CYFIP2: variants seen among roughly 807,000 people sequenced by gnomAD.
The protein encoded by CYFIP2 is cytoplasmic FMR1-interacting protein 2.
CYFIP2 carries 29 observed loss-of-function variants against 158.7 expected under a neutral mutation model. The observed-to-expected ratio is 0.18, with a 90% CI of 0.14 to 0.25. CYFIP2 has a LOEUF of 0.25. CYFIP2 is among the 10% of genes least tolerant of loss of function. The pLI, the probability that CYFIP2 is intolerant of heterozygous loss-of-function variation, is 1.00. For synonymous variants in CYFIP2, 585 were observed against 617.6 expected (o/e 0.95, Z 0.78); for missense variants, 852 against 1,639.5 (o/e 0.52, Z 8.29).
Position 157,304,252 on chromosome 5 carries a change from A to C in CYFIP2, c.681A>C (p.Gln227His). 1 of 1,613,010 alleles carries C rather than the reference A, an allele frequency of 6.2e-7. No individual in the cohort carries two copies. Among genetic ancestry groups the C allele is most frequent in the African/African-American group, 1.3e-5 (1 of 75,030 alleles). The change falls in exon 8 of 31, where the codon CAA becomes CAC. Residue 227 changes from glutamine to histidine, a missense_variant. Transcript: ENST00000620254. ...HNRITQCLHQQLEVIPGYEEL... is the reference protein window; with the variant it reads ...HNRITQCLHQHLEVIPGYEEL... ...CTGCTGTTCAGTGTCTCCACCAGCAACTTGAAGTGATCCCAGGCTATGAGG... is the reference window on the plus strand; with the variant it reads ...CTGCTGTTCAGTGTCTCCACCAGCACCTTGAAGTGATCCCAGGCTATGAGG...
At chr5:157,358,502 C>T (rs956459039) in intron 23 of CYFIP2, among the ~76,000 whole-genome samples, 2 of 152,232 alleles carry the variant, frequency 1.3e-5, no homozygotes, top group Admixed American at 1.3e-4. Context: ...CAGCAGAGAT[C>T]TCCTGACTCC....
rs143013338 is a variant in CYFIP2 at position 157,287,359 on chromosome 5, C to T, written c.207+251C>T. Among the ~76,000 whole-genome samples the T allele has an allele frequency of 3.3e-4, 51 of 152,332 alleles. No individual in the cohort carries two copies. The East Asian group carries it at 9.1e-3, about 27-fold the overall frequency. On this transcript the variant is annotated intron_variant, in intron 3 of 30. Transcript: ENST00000620254. ...TTAGGGCCCAACTTAGTCTCCACTA[C>T]TCACTTTCTTGAGCTCCTATAGCTT...
rs1350991224 is a variant in CYFIP2, at chr5:157,304,372, A to T, written c.795+6A>T. On this transcript the variant is annotated splice_donor_region_variant and intron_variant, in intron 8 of 30. Coordinates refer to ENST00000620254, the MANE Select transcript of CYFIP2 (RefSeq NM_001037333.3). Reference sequence around the variant, plus strand: ...AGAAACATATGCTCCTCAAGGTAAAACTCCCCTGAGGCCGCACCCATGGAG... The same window carrying T: ...AGAAACATATGCTCCTCAAGGTAAATCTCCCCTGAGGCCGCACCCATGGAG... The T allele has an allele frequency of 6.2e-7, 1 of 1,610,538 alleles. No homozygotes were observed. Among genetic ancestry groups the T allele is most frequent in the Admixed American group, 1.7e-5 (1 of 59,816 alleles).
At chr5:157,350,522 C>T (rs1157550175) in intron 23 of CYFIP2, among the ~76,000 whole-genome samples, 2 of 152,218 alleles carry the variant, frequency 1.3e-5, no homozygotes, top group Non-Finnish European at 2.9e-5. Flanking sequence ...TGTTTCGTGA[C>T]TATAGCCTGA....
chr5:157,335,502 T>C (rs1761785304), intron 21 of CYFIP2, among the ~76,000 whole-genome samples: 1 of 152,234 alleles, frequency 6.6e-6, no homozygotes, highest in Admixed American at 6.5e-5. Flanking sequence ...GGTCTCAAGC[T>C]CCTGACCTCG....
chr5:157,324,447 C>T (rs114516981), intron 16 of CYFIP2, among the ~76,000 whole-genome samples: 1 of 152,026 alleles, frequency 6.6e-6, no homozygotes, highest in Admixed American at 6.6e-5. Flanking sequence ...GGGAGGCTCT[C>T]GAGCTGCATC....
chr5:157,317,635 T>C (rs576266557), intron 13 of CYFIP2, among the ~76,000 whole-genome samples: 1 of 152,342 alleles, frequency 6.6e-6, no homozygotes, highest in Non-Finnish European at 1.5e-5. Context: ...CTTATTATTA[T>C]TATAACCAAG....
intron 1 of CYFIP2, among the ~76,000 whole-genome samples, chr5:157,279,984 C>G (rs980649730): frequency 6.6e-6 from 1 of 152,198 alleles, no homozygotes; most frequent in Non-Finnish European, 1.5e-5. Flanking sequence ...ATTTCCTTCT[C>G]CCTTAGGCAC....
At chr5:157,343,121 C>A (rs1427635038) in intron 23 of CYFIP2, 1 of 1,614,178 alleles carries the variant, frequency 6.2e-7, no homozygotes, top group East Asian at 2.2e-5. Flanking sequence ...CTCATGGCAA[C>A]GGACACACCA....
chr5:157,302,963 AC>A, intron 7 of CYFIP2, 73 bp downstream of exon 7: 1 of 1,182,610 alleles, frequency 8.5e-7, no homozygotes, highest in Non-Finnish European at 1.2e-6. Context: ...GGTTGGGTGG[AC>A]CACGAGCCCA....
At chr5:157,326,964 G>A (rs1761073148) in intron 18 of CYFIP2, among the ~76,000 whole-genome samples, 1 of 152,138 alleles carries the variant, frequency 6.6e-6, no homozygotes, top group African/African-American at 2.4e-5. Flanking sequence ...AAGGACCAAA[G>A]GTTAATCACA....
At chr5:157,320,860 T>C (rs977381244) in intron 15 of CYFIP2, 58 bp downstream of exon 15, 157 of 1,464,864 alleles carry the variant, frequency 1.1e-4, no homozygotes, top group Non-Finnish European at 1.3e-4. Flanking sequence ...CGGGCTATGG[T>C]AGATCATCAT....
In CYFIP2 at chr5:157,324,082, G is replaced by T. The variant is rs777538229; in HGVS notation, c.1825+8G>T. 1.2e-6 allele frequency: 2 copies of T among 1,606,174 alleles called. No homozygotes were observed. Among genetic ancestry groups the T allele is most frequent in the Non-Finnish European group, 8.5e-7 (1 of 1,175,486 alleles). The stretch of plus-strand genomic sequence containing the variant: ...ATCTGCTCAACATCAGTGGTGAGCT[G>T]CATCCCATCCCTGCTAAGGCATGGG... On this transcript the variant is annotated splice_region_variant and intron_variant, in intron 16 of 30. Coordinates refer to ENST00000620254, the MANE Select transcript of CYFIP2 (RefSeq NM_001037333.3).
At chr5:157,359,977 C>G (rs1019305991) in intron 24 of CYFIP2, among the ~76,000 whole-genome samples, 2 of 152,228 alleles carry the variant, frequency 1.3e-5, no homozygotes, top group African/African-American at 4.8e-5. Flanking sequence ...TAGCATGTTT[C>G]AATCTGCACA....
chr5:157,296,865 T>G, intron 5 of CYFIP2, 91 bp downstream of exon 5: 1 of 1,011,258 alleles, frequency 9.9e-7, no homozygotes, highest in Non-Finnish European at 1.5e-6. Context: ...GCCATGTTAT[T>G]TATTCACTAA....
intron 21 of CYFIP2, among the ~76,000 whole-genome samples, chr5:157,336,805 G>T (rs1761888774): frequency 6.6e-6 from 1 of 152,194 alleles, no homozygotes; most frequent in Non-Finnish European, 1.5e-5. Flanking sequence ...CCTTTTCCAT[G>T]CTTTGGTGCG....
intron 23 of CYFIP2, among the ~76,000 whole-genome samples, chr5:157,351,008 G>A (rs760649323): frequency 3.3e-5 from 5 of 152,088 alleles, no homozygotes; most frequent in Non-Finnish European, 7.4e-5. Flanking sequence ...GTGACAGTTT[G>A]ATTTCCACTT....
At chr5:157,341,636 G>A (rs1387813900) in intron 23 of CYFIP2, 1 of 156,686 alleles carries the variant, frequency 6.4e-6, no homozygotes, top group Non-Finnish European at 1.4e-5. Context: ...CAAGTAGCAG[G>A]AATGGGGGCA....
intron 26 of CYFIP2, among the ~76,000 whole-genome samples, chr5:157,380,404 C>T (rs1311597199): frequency 1.3e-5 from 2 of 152,148 alleles, no homozygotes; most frequent in African/African-American, 2.4e-5. Flanking sequence ...CAAGTTAGTC[C>T]GGCCTCTGCC....
Sources: gnomAD v4.1 joint callset for allele counts (sites outside exome capture counted in the v4.1 genomes callset) on GRCh38, gnomAD v4.1.1 for gene constraint, MANE v1.5 for transcripts, NCBI Gene and HGNC (gene_info 2026-07-23, HGNC 2026-07-21) for gene names.